Variants in EPM2A observed in about 807,000 individuals in gnomAD.
EPM2A encodes EPM2A glucan phosphatase, laforin.
In EPM2A, 21 loss-of-function variants were observed where a neutral mutation model predicts 26.5. That is an observed-to-expected ratio of 0.79 (90% confidence interval 0.56 to 1.14). The LOEUF (loss-of-function observed/expected upper bound fraction) is 1.14, where lower values mean the gene tolerates loss of function less well. EPM2A is among the 50% of genes most tolerant of loss of function. The probability of loss-of-function intolerance (pLI) is 0.00; values close to 1 mark genes in which losing one functional copy is unlikely to be tolerated. For synonymous variants in EPM2A, 217 were observed against 177.6 expected (o/e 1.22, Z -1.76); for missense variants, 458 against 440.8 (o/e 1.04, Z -0.35).
At chr6:145,621,628 T>TA (rs201745106), downstream of EPM2A, among the ~76,000 whole-genome samples, 47 of 151,966 alleles carry the variant, frequency 3.1e-4, no homozygotes, top group African/African-American at 1.1e-3. Context: ...TTTTTTTTTT[T>TA]ACATCCTAAC....
At chr6:145,686,410 A>G in intron 1 of EPM2A, 114 bp from the exon 2 acceptor site, 1 of 810,704 alleles carries the variant, frequency 1.2e-6, no homozygotes, top group South Asian at 1.5e-5. Context: ...AAAGCTACTT[A>G]ATCTACACAT....
intron 2 of EPM2A, among the ~76,000 whole-genome samples, chr6:145,597,570 CTTCTTGTTTTTTT>C (rs1781364749): frequency 6.7e-6 from 1 of 149,258 alleles, no homozygotes; most frequent in Non-Finnish European, 1.5e-5. Flanking sequence ...AATCAGTGGG[CTTCTTGTTTTTTT>C]AACTTTTCTT....
chr6:145,492,840 A>G (rs543588227), intron 4 of EPM2A, among the ~76,000 whole-genome samples: 1 of 152,200 alleles, frequency 6.6e-6, no homozygotes, highest in African/African-American at 2.4e-5. Flanking sequence ...GGGGGATTTT[A>G]TGGGCACAGG....
At chr6:145,448,038 C>T (rs1001103518) in intron 4 of EPM2A, among the ~76,000 whole-genome samples, 4 of 151,922 alleles carry the variant, frequency 2.6e-5, no homozygotes, top group South Asian at 4.1e-4. Flanking sequence ...CTATGTTTTC[C>T]GTGTCAATTA....
intron 4 of EPM2A, among the ~76,000 whole-genome samples, chr6:145,420,164 T>C (rs1449510665): frequency 6.6e-6 from 1 of 152,152 alleles, no homozygotes; most frequent in Admixed American, 6.6e-5. Context: ...TACACATTCA[T>C]ACACATGTAA....
intron 1 of EPM2A, among the ~76,000 whole-genome samples, chr6:145,727,070 A>G (rs548001153): frequency 7.2e-5 from 11 of 152,304 alleles, no homozygotes; most frequent in Admixed American, 5.2e-4. Context: ...ATAATTTATC[A>G]TACCTTAAAA....
chr6:145,613,652 T>C (rs556972720), intron 2 of EPM2A, among the ~76,000 whole-genome samples: 35 of 152,212 alleles, frequency 2.3e-4, no homozygotes, highest in Non-Finnish European at 4.3e-4. Flanking sequence ...TAAATCTCCC[T>C]AGACATATTT....
intron 2 of EPM2A, among the ~76,000 whole-genome samples, chr6:145,516,608 T>C (rs1780130718): frequency 6.6e-6 from 1 of 152,146 alleles, no homozygotes; most frequent in Admixed American, 6.6e-5. Context: ...CCAGAAATTA[T>C]CTCACCTGAA....
intron 4 of EPM2A, among the ~76,000 whole-genome samples, chr6:145,462,214 A>G (rs1458614328): frequency 4.6e-5 from 7 of 152,144 alleles, no homozygotes; most frequent in Non-Finnish European, 8.8e-5. Context: ...TACTTCAGAT[A>G]TTTCCAGGAG....
chr6:145,534,474 A>G lies in EPM2A; in HGVS notation c.341-31899T>C, dbSNP rs9497339. Among the ~76,000 whole-genome samples, 1,174 of 152,360 alleles carry G rather than the reference A, an allele frequency of 7.7e-3. 16 individuals are homozygous for G. The highest frequency in any genetic ancestry group is 0.027 in the African/African-American group (1,117 of 41,584). On this transcript the variant is annotated intron_variant, in intron 2 of 3. Transcript: ENST00000450221. ...GGGGGAGGAATTAAGAGATAATTGA[A>G]AGCAGTCATTTTTACAAAAACATAT...
At chr6:145,490,641 T>C (rs1458509609) in intron 4 of EPM2A, 1 of 638,236 alleles carries the variant, frequency 1.6e-6, no homozygotes, top group Non-Finnish European at 3.0e-6. Flanking sequence ...CATTGCATAT[T>C]TCACACTTGA....
chr6:145,453,261 T>C (rs1779219997), intron 4 of EPM2A, among the ~76,000 whole-genome samples: 1 of 152,204 alleles, frequency 6.6e-6, no homozygotes, highest in East Asian at 1.9e-4. Flanking sequence ...AATTACTTTA[T>C]TAAAAAATAG....
At chr6:145,668,235 G>A (rs1435249109) in intron 2 of EPM2A, among the ~76,000 whole-genome samples, 2 of 152,094 alleles carry the variant, frequency 1.3e-5, no homozygotes, top group Non-Finnish European at 2.9e-5. Context: ...AGAAGAAAGG[G>A]GTGTTGGGAC....
chr6:145,482,475 T>C (rs1374743878), intron 4 of EPM2A, among the ~76,000 whole-genome samples: 1 of 152,138 alleles, frequency 6.6e-6, no homozygotes, highest in African/African-American at 2.4e-5. Flanking sequence ...AAAGGTGGTA[T>C]GTTTGATCAC....
chr6:145,685,179 G>A (rs1270414340), intron 2 of EPM2A, among the ~76,000 whole-genome samples: 2 of 152,060 alleles, frequency 1.3e-5, no homozygotes, highest in African/African-American at 2.4e-5. Context: ...TATTTACTAA[G>A]TTTAATGTAA....
chr6:145,719,569 A>T (rs1028743101), intron 1 of EPM2A, among the ~76,000 whole-genome samples: 1 of 152,132 alleles, frequency 6.6e-6, no homozygotes, highest in Non-Finnish European at 1.5e-5. Flanking sequence ...ACATGTATAC[A>T]TATGTAACTA....
At chr6:145,388,534 C>CT (rs1484170141) in intron 4 of EPM2A, among the ~76,000 whole-genome samples, 2 of 152,026 alleles carry the variant, frequency 1.3e-5, no homozygotes, top group Admixed American at 6.6e-5. Context: ...TATTATTATA[C>CT]TTTAAGTTCT....
intron 2 of EPM2A, among the ~76,000 whole-genome samples, chr6:145,680,992 G>C (rs923588725): frequency 5.9e-5 from 9 of 151,460 alleles, no homozygotes; most frequent in African/African-American, 2.2e-4. Flanking sequence ...GGTTGAACTA[G>C]TTTACAGTCC....
At chr6:145,697,091 T>C (rs1274979627) in intron 1 of EPM2A, among the ~76,000 whole-genome samples, 2 of 152,066 alleles carry the variant, frequency 1.3e-5, no homozygotes, top group Non-Finnish European at 2.9e-5. Flanking sequence ...CAGCCAGATA[T>C]TGGGCAAAAT....
Sources: gnomAD v4.1 joint callset for allele counts (sites outside exome capture counted in the v4.1 genomes callset) on GRCh38, gnomAD v4.1.1 for gene constraint, MANE v1.5 for transcripts, NCBI Gene and HGNC (gene_info 2026-07-23, HGNC 2026-07-21) for gene names.